DYTN: variants seen among roughly 807,000 people sequenced by gnomAD.
DYTN encodes dystrotelin.
Under a neutral mutation model 69.6 loss-of-function variants are expected in DYTN, and 75 were observed. That is an observed-to-expected ratio of 1.08 (90% CI 0.89 to 1.31). The LOEUF (loss-of-function observed/expected upper bound fraction) is 1.31. Among genes scored for constraint, DYTN ranks in the 50% most tolerant of loss-of-function variants. The probability of loss-of-function intolerance (pLI) is 0.00; values close to 1 mark genes in which losing one functional copy is unlikely to be tolerated. For synonymous variants in DYTN, 252 were observed against 249.1 expected (o/e 1.01, Z -0.11); for missense variants, 726 against 688.4 (o/e 1.05, Z -0.61).
chr2:206,654,625 C>A (rs889232758), intron 11 of DYTN, among the ~76,000 whole-genome samples: 3 of 152,222 alleles, frequency 2.0e-5, no homozygotes, highest in Middle Eastern at 3.4e-3. Flanking sequence ...AGGGTCAGTG[C>A]CCCTAACTTT....
chr2:206,670,851 C>T (rs1177861062), intron 9 of DYTN, among the ~76,000 whole-genome samples: 1 of 152,176 alleles, frequency 6.6e-6, no homozygotes, highest in African/African-American at 2.4e-5. Context: ...TCTTCTTCCC[C>T]AAAGGCATCT....
In DYTN at chr2:206,710,590, T is replaced by C. The variant is rs1400211393; in HGVS notation, c.28A>G (p.Asn10Asp). The C allele has an allele frequency of 6.2e-7, 1 of 1,605,826 alleles. No individual in the cohort carries two copies. The highest frequency in any genetic ancestry group is 8.5e-7 in the Non-Finnish European group (1 of 1,175,644). ...CTATAAATGGAATTCTCAATACTAT[T>C]AAGAGCATCTGTAAAGAAAACGTAA... The part of the protein sequence containing the change: MDPDKQDAL[N>D]SIENSIYRTA... Residue 10 changes from asparagine (N) to aspartate (D), a missense_variant, in exon 2 of 12, where the codon AAT becomes GAT. Transcript: ENST00000452335.
intron 9 of DYTN, among the ~76,000 whole-genome samples, chr2:206,680,348 A>T (rs1699737487): frequency 6.6e-6 from 1 of 152,126 alleles, no homozygotes; most frequent in African/African-American, 2.4e-5. Context: ...CTCCCACAAC[A>T]CATGGGGATT....
intron 9 of DYTN, chr2:206,687,182 TA>T: frequency 6.4e-6 from 1 of 156,722 alleles, no homozygotes. Context: ...AATGGAATTA[TA>T]AAAAGCTTCA....
In DYTN at chr2:206,665,956, A is replaced by G. The variant is rs765348389; in HGVS notation, c.1054T>C (p.Cys352Arg). The G allele has an allele frequency of 6.2e-7, 1 of 1,613,942 alleles. No individual in the cohort carries two copies. The highest frequency in any genetic ancestry group is 1.1e-5 in the South Asian group (1 of 91,090). Residue 352 changes from cysteine to arginine, a missense_variant, in exon 10 of 12, where the codon TGT (cysteine) becomes CGT (arginine). Physicochemically the swap from Cys to Arg is radical, Grantham distance 180. Coordinates refer to ENST00000452335, the MANE Select transcript of DYTN (RefSeq NM_001093730.1). ...AIYTSQEERICRFETRIHKLK... is the reference protein window; with the variant it reads ...AIYTSQEERIRRFETRIHKLK... ...TTGTGAATCCTTGTTTCAAATCGACAAATTCTTTCTTCCTGGGAGGTGTAT... is the reference window on the plus strand; with the variant it reads ...TTGTGAATCCTTGTTTCAAATCGACGAATTCTTTCTTCCTGGGAGGTGTAT...
chr2:206,708,660 A>G (rs1700049934), intron 2 of DYTN, among the ~76,000 whole-genome samples: 1 of 152,212 alleles, frequency 6.6e-6, no homozygotes, highest in African/African-American at 2.4e-5. Flanking sequence ...CAAACCAGAT[A>G]ATAGTGGTGT....
At chr2:206,712,524 G>A (rs56113725) in intron 1 of DYTN, among the ~76,000 whole-genome samples, 2 of 152,070 alleles carry the variant, frequency 1.3e-5, no homozygotes, top group East Asian at 3.8e-4. Context: ...AAAATCGAAA[G>A]TGGTTTTCAA....
At chr2:206,709,484 C>A (rs923024054) in intron 2 of DYTN, among the ~76,000 whole-genome samples, 1 of 151,778 alleles carries the variant, frequency 6.6e-6, no homozygotes, top group Non-Finnish European at 1.5e-5. Context: ...CACACACATA[C>A]AAGCAAACAC....
At chr2:206,655,587 A>AT (rs146939602) in intron 11 of DYTN, among the ~76,000 whole-genome samples, 12,192 of 138,256 alleles carry the variant, frequency 0.088, 639 homozygotes, top group Admixed American at 0.14. Flanking sequence ...TTAAAAAAAA[A>AT]TTTTTTTTTT....
chr2:206,679,969 G>A (rs1192918777), intron 9 of DYTN, among the ~76,000 whole-genome samples: 6 of 152,178 alleles, frequency 3.9e-5, no homozygotes, highest in Non-Finnish European at 8.8e-5. Context: ...ACTGGGTGGT[G>A]TAAGCAACTG....
chr2:206,673,142 C>T (rs1699646750), intron 9 of DYTN, among the ~76,000 whole-genome samples: 1 of 152,196 alleles, frequency 6.6e-6, no homozygotes, highest in Non-Finnish European at 1.5e-5. Flanking sequence ...ACCATGTGTT[C>T]TCATCATTTA....
intron 11 of DYTN, among the ~76,000 whole-genome samples, chr2:206,652,354 AT>A (rs1699396985): frequency 6.6e-6 from 1 of 152,182 alleles, no homozygotes; most frequent in African/African-American, 2.4e-5. Context: ...CAGACACCAC[AT>A]TTTTGAGAAC....
intron 11 of DYTN, among the ~76,000 whole-genome samples, chr2:206,656,301 C>T (rs2105885970): frequency 6.6e-6 from 1 of 152,224 alleles, no homozygotes; most frequent in Admixed American, 6.5e-5. Flanking sequence ...TATAGCCACC[C>T]CTGCTATTTT....
intron 9 of DYTN, among the ~76,000 whole-genome samples, chr2:206,692,093 T>C (rs79148602): frequency 0.033 from 5,021 of 151,856 alleles, 112 homozygotes; most frequent in Middle Eastern, 0.068. Flanking sequence ...GTGAGTAACA[T>C]AGTGAGACCC....
At chr2:206,672,660 A>G (rs1335959358) in intron 9 of DYTN, among the ~76,000 whole-genome samples, 1 of 152,230 alleles carries the variant, frequency 6.6e-6, no homozygotes, top group African/African-American at 2.4e-5. Context: ...CTTAACTGCA[A>G]TACGGAAACT....
rs1699531529 is a variant in DYTN at position 206,663,156 on chromosome 2, C to T, written c.1380G>A (p.Leu460=). ...LRNPESPETT[L]HSTRAQSQTQ... ...TTTGGCTTTGTGCCCTGGTGCTGTG[C>T]AAAGTGGTCTCTGGTGATTCTGGAT... Residue 460 remains leucine, a synonymous_variant, in exon 11 of 12, where the codon TTG becomes TTA. Transcript: ENST00000452335. 6.2e-7 allele frequency: 1 copy of T among 1,613,934 alleles called. No homozygotes were observed. The highest frequency in any genetic ancestry group is 1.3e-5 in the African/African-American group (1 of 75,022).
intron 11 of DYTN, among the ~76,000 whole-genome samples, chr2:206,657,014 G>A (rs375679194): frequency 0.02 from 3,080 of 152,164 alleles, 59 homozygotes; most frequent in South Asian, 0.034. Context: ...CGCCCACCTC[G>A]GCTTCCCAAA....
rs368618386 is a variant in DYTN at position 206,687,848 on chromosome 2, G to A, written c.980+5327C>T. Among the ~76,000 whole-genome samples, 178 of 151,920 alleles carry A rather than the reference G, an allele frequency of 1.2e-3. 2 individuals carry two copies. Among genetic ancestry groups the A allele is most frequent in the African/African-American group, 4.1e-3 (171 of 41,420 alleles). On this transcript the variant is annotated intron_variant, in intron 9 of 11. Transcript: ENST00000452335. ...TCCTTAGACCTACATGTTCATTCCC[G>A]TTTTATACTATATTATTTGGTCATA...
intron 10 of DYTN, among the ~76,000 whole-genome samples, chr2:206,663,987 C>T (rs1699541287): frequency 6.6e-6 from 1 of 151,936 alleles, no homozygotes; most frequent in African/African-American, 2.4e-5. Context: ...ATAAGTAAAG[C>T]TGTTGGTGCT....
Sources: gnomAD v4.1 joint callset for allele counts (sites outside exome capture counted in the v4.1 genomes callset) on GRCh38, gnomAD v4.1.1 for gene constraint, MANE v1.5 for transcripts, NCBI Gene and HGNC (gene_info 2026-07-23, HGNC 2026-07-21) for gene names.